Variants in KCNC3 observed in about 807,000 individuals in gnomAD.
KCNC3 encodes the protein voltage-gated potassium channel KCNC3.
A neutral mutation model predicts 43.9 loss-of-function variants in KCNC3; 22 were observed. The observed-to-expected ratio is 0.50, with a 90% CI of 0.36 to 0.72. KCNC3 has a LOEUF of 0.72. Among genes scored for constraint, KCNC3 ranks in the 30% least tolerant of loss-of-function variants. The probability of loss-of-function intolerance (pLI) is 0.00; values close to 1 mark genes in which losing one functional copy is unlikely to be tolerated. For synonymous variants in KCNC3, 492 were observed against 488.0 expected, an observed-to-expected ratio of 1.01 and a Z score of -0.11; for missense variants, 829 against 1,073.8, an observed-to-expected ratio of 0.77 and a Z score of 3.19.
intron 2 of KCNC3, 124 bp from the exon 3 acceptor site, chr19:50,320,908 G>A (rs1363884903): frequency 3.2e-6 from 3 of 933,724 alleles, no homozygotes; most frequent in Non-Finnish European, 4.9e-6. Context: ...GGCACTGGAA[G>A]TGGAGATTCA....
rs368827687 is a variant in KCNC3, at chr19:50,314,910, G to A, written c.*1205C>T. 6 of 310,674 alleles carry A rather than the reference G, an allele frequency of 1.9e-5. No individual in the cohort carries two copies. The highest frequency in any genetic ancestry group is 9.3e-5 in the South Asian group (4 of 43,108). 19.2% of individuals were successfully genotyped at this position (310,674 alleles called of 1,614,324 possible). ...CGGCGGGCGGCCCGGGGAGAGCCAGGGGGGGTGGCAAGGGGCGCGAGGCGC... is the reference window on the plus strand; with the variant it reads ...CGGCGGGCGGCCCGGGGAGAGCCAGAGGGGGTGGCAAGGGGCGCGAGGCGC... On this transcript the variant is annotated 3_prime_UTR_variant, in exon 5 of 5. Transcript: ENST00000477616.
chr19:50,332,335 G>T (rs1253257663), upstream of KCNC3, among the ~76,000 whole-genome samples: 1 of 152,104 alleles, frequency 6.6e-6, no homozygotes, highest in Non-Finnish European at 1.5e-5. This position sits in a 1 kb window ranked among gnomAD's most constrained non-coding sequence, Gnocchi z 5.8. Context: ...CTAAATCAGC[G>T]TTTTTTTGCA....
At chr19:50,331,531 CCTCCTTCTTCCCCTTCTCCCCATCTCT>C (rs2037189147), upstream of KCNC3, among the ~76,000 whole-genome samples, 2 of 121,336 alleles carry the variant, frequency 1.6e-5, no homozygotes, top group African/African-American at 6.6e-5. Context: ...TGTATTTCCC[CCTCCTTCTTCCCCTTCTCCCCATCTCT>C]GGTGTATTTC....
upstream of KCNC3, among the ~76,000 whole-genome samples, chr19:50,331,037 A>G (rs1486509757): frequency 6.6e-6 from 1 of 151,872 alleles, no homozygotes; most frequent in African/African-American, 2.4e-5. Context: ...GCTGATTCGT[A>G]TCGCCTCCCA....
chr19:50,327,072 G>A (rs1274332329), intron 1 of KCNC3, among the ~76,000 whole-genome samples: 1 of 151,878 alleles, frequency 6.6e-6, no homozygotes, highest in African/African-American at 2.4e-5. Context: ...TTCTAGAGCA[G>A]GAGGGAAAGT....
rs534747834 is a variant in KCNC3, at chr19:50,321,567, C to T, written c.1979-783G>A. Among the ~76,000 whole-genome samples, 223 of 152,044 alleles carry T rather than the reference C, an allele frequency of 1.5e-3. 2 individuals are homozygous for T. The highest frequency in any genetic ancestry group is 4.4e-3 in the Admixed American group (67 of 15,266). ...GGTAGATCACTTAAGGTCAGGAGTTCGAGACCAGCCTGGCCAACATGGTGA... is the reference window on the plus strand; with the variant it reads ...GGTAGATCACTTAAGGTCAGGAGTTTGAGACCAGCCTGGCCAACATGGTGA... On this transcript the variant is annotated intron_variant, in intron 2 of 4. Transcript: ENST00000477616.
Position 50,320,579 on chromosome 19 carries a change from G to T in KCNC3, c.2170+14C>A, listed in dbSNP as rs189018316. The T allele has an allele frequency of 5.1e-4, 821 of 1,608,446 alleles. 9 individuals are homozygous for T. In the South Asian group the frequency reaches 8.5e-3, roughly 17 times the overall value. The stretch of plus-strand genomic sequence containing the variant: ...AGGGAGGGTCCCAGGGGATCAGTAG[G>T]GGGGGCACCTCACCTTTTCGGATGG... On this transcript the variant is annotated intron_variant, in intron 3 of 4. Transcript: ENST00000477616.
intron 4 of KCNC3, among the ~76,000 whole-genome samples, chr19:50,318,050 C>A (rs2036978807): frequency 6.6e-6 from 1 of 152,240 alleles, no homozygotes; most frequent in South Asian, 2.1e-4. Context: ...ACCTTGGCCT[C>A]CCAAAGTGCT....
rs2036912056 is a variant in KCNC3, at chr19:50,313,989, C to T, written c.*2126G>A. The stretch of plus-strand genomic sequence containing the variant: ...CAGTCTCAGAATTCTGGGTGCAGGT[C>T]TCATGTCCTGGGAATGGAGGGAGAT... On this transcript the variant is annotated 3_prime_UTR_variant, in exon 5 of 5. Transcript: ENST00000477616. The T allele has an allele frequency of 6.6e-6, 1 of 151,984 alleles. No homozygotes were observed. The highest frequency in any genetic ancestry group is 6.6e-5 in the Admixed American group (1 of 15,240). 9.4% of individuals were successfully genotyped at this position (151,984 alleles called of 1,614,324 possible).
rs1209864398 is a variant in KCNC3 at position 50,328,374 on chromosome 19, C to G, written c.709G>C (p.Gly237Arg). The change falls in exon 1 of 5, where the codon GGA (glycine) becomes CGA (arginine). Residue 237 changes from glycine to arginine, a missense_variant. By Grantham distance (125) the Gly-to-Arg change is moderately radical (BLOSUM62 -2). Coordinates refer to ENST00000477616, the MANE Select transcript of KCNC3 (RefSeq NM_004977.3). The stretch of plus-strand genomic sequence containing the variant: ...AGGCGCTTGAGCTCGCCGCCCGCTC[C>G]GTCCAGGCCGCCGCCGCCCGCGCCC... ...EAGAGGGGLD[G>R]AGGELKRLCF... 3 of 1,210,330 alleles carry G rather than the reference C, an allele frequency of 2.5e-6. No individual in the cohort carries two copies. The highest frequency in any genetic ancestry group is 1.6e-5 in the African/African-American group (1 of 62,442). 75.0% of individuals were successfully genotyped at this position (1,210,330 alleles called of 1,614,324 possible). A position where few individuals can be genotyped will look rare whatever the true frequency, so the allele number is the denominator to read the frequency against.
In KCNC3 at chr19:50,323,185, C is replaced by T. The variant is rs1167185763; in HGVS notation, c.1768G>A (p.Gly590Ser). 1.5e-5 allele frequency: 20 copies of T among 1,325,752 alleles called. No individual in the cohort carries two copies. The highest frequency in any genetic ancestry group is 5.0e-5 in the East Asian group (2 of 39,768). The allele number at this position is 1,325,752 out of a possible 1,614,324, so 82.1% of individuals were successfully genotyped here. A position where few individuals can be genotyped will look rare whatever the true frequency, so the allele number is the denominator to read the frequency against. ...PPPPPPHPHH[G>S]SGGISPPPPI... Reference sequence around the variant, plus strand: ...GGCGGCGGGCTGATGCCCCCGCTGCCGTGGTGCGGGTGGGGCGGGGGTGGC... The same window carrying T: ...GGCGGCGGGCTGATGCCCCCGCTGCTGTGGTGCGGGTGGGGCGGGGGTGGC... The change falls in exon 2 of 5, where the codon GGC becomes AGC. Residue 590 changes from glycine (G) to serine (S), a missense_variant. Physicochemically the swap from Gly to Ser is moderately conservative, Grantham distance 56. Around this residue, in one of 7 missense-constraint regions of KCNC3, gnomAD observed 308 missense variants for 276.2 expected, o/e 1.11. Transcript: ENST00000477616.
rs1461692822 is a variant in KCNC3, at chr19:50,313,541, A to G, written c.*2574T>C. The G allele has an allele frequency of 6.6e-6, 1 of 152,168 alleles. No individual in the cohort carries two copies. Among genetic ancestry groups the G allele is most frequent in the Non-Finnish European group, 1.5e-5 (1 of 68,038 alleles). The allele number at this position is 152,168 out of a possible 1,614,324, so 9.4% of individuals were successfully genotyped here. On this transcript the variant is annotated 3_prime_UTR_variant, in exon 5 of 5. Coordinates refer to ENST00000477616, the MANE Select transcript of KCNC3 (RefSeq NM_004977.3). ...TCTGTGAAGAGGGTACCTTTGGGGC[A>G]CCATCTCAGGGAAGAGACTCAGGGT...
At position 50,323,037 on chromosome 19, in the gene KCNC3, AGAG is replaced by A; in HGVS notation, c.1913_1915del (p.Pro638del). On this transcript the variant is annotated inframe_deletion, in exon 2 of 5. Transcript: ENST00000477616. Reference sequence around the variant, plus strand: ...CGGGCAAGGCTCGCCGGGGGCTGGCAGAGGAGGCAGCCCCATGATCCCCAGCCC... The same window carrying A: ...CGGGCAAGGCTCGCCGGGGGCTGGCAGAGGCAGCCCCATGATCCCCAGCCC... The A allele has an allele frequency of 6.5e-7, 1 of 1,544,506 alleles. No homozygotes were observed. Among genetic ancestry groups the A allele is most frequent in the Non-Finnish European group, 8.7e-7 (1 of 1,144,810 alleles).
intron 2 of KCNC3, 22 bp from the exon 3 acceptor site, chr19:50,320,806 CAGAG>C: frequency 1.2e-6 from 2 of 1,611,636 alleles, no homozygotes; most frequent in Admixed American, 1.7e-5. Flanking sequence ...GGGGGTCAGA[CAGAG>C]AGACAAAGGA....
At position 50,315,142 on chromosome 19, in the gene KCNC3, G is replaced by C. The variant is rs1171372845; in HGVS notation, c.*973C>G. On this transcript the variant is annotated 3_prime_UTR_variant, in exon 5 of 5. Transcript: ENST00000477616. ...AACAGATACCCAGAGAGACAGAGAA[G>C]GCAAGACAGACAGAGTCAGGCAGAC... is the stretch of plus-strand genomic sequence containing the variant. Among the ~76,000 whole-genome samples the C allele has an allele frequency of 6.6e-6, 1 of 152,116 alleles. No individual in the cohort carries two copies. Among genetic ancestry groups the C allele is most frequent in the East Asian group, 1.9e-4 (1 of 5,192 alleles).
Position 50,328,690 on chromosome 19 carries a change from G to T in KCNC3, c.393C>A (p.Gly131=). 1 of 1,605,282 alleles carries T rather than the reference G, an allele frequency of 6.2e-7. No homozygotes were observed. Among genetic ancestry groups the T allele is most frequent in the Non-Finnish European group, 8.5e-7 (1 of 1,176,682 alleles). ...GCCGGTCAAAGAAGAACTCGTCGGCGCCCGGGTCGTAGTCGAAGCGTGCCG... is the reference window on the plus strand; with the variant it reads ...GCCGGTCAAAGAAGAACTCGTCGGCTCCCGGGTCGTAGTCGAAGCGTGCCG... ...EAAARFDYDP[G]ADEFFFDRHP... is the part of the protein sequence containing the mutation. The change falls in exon 1 of 5, where the codon GGC becomes GGA. Residue 131 remains glycine, a synonymous_variant. Coordinates refer to ENST00000477616, the MANE Select transcript of KCNC3 (RefSeq NM_004977.3).
At chr19:50,320,468 A>G in intron 3 of KCNC3, 119 bp from the exon 4 acceptor site, 1 of 841,718 alleles carries the variant, frequency 1.2e-6, no homozygotes, top group Non-Finnish European at 1.9e-6. Flanking sequence ...GGAGGGAGGC[A>G]GTTTGGGGCC....
chr19:50,325,205 A>G (rs2037087093), intron 1 of KCNC3, among the ~76,000 whole-genome samples: 2 of 151,146 alleles, frequency 1.3e-5, no homozygotes, highest in Non-Finnish European at 1.5e-5. Context: ...TAGAGATGTC[A>G]TGGGCTTTAT....
At chr19:50,326,249 C>T (rs915644763) in intron 1 of KCNC3, among the ~76,000 whole-genome samples, 6 of 152,230 alleles carry the variant, frequency 3.9e-5, no homozygotes, top group Non-Finnish European at 8.8e-5. Context: ...GCCTGACCAT[C>T]ACAGAAGAAC....
Sources: allele counts gnomAD v4.1 joint callset (sites outside exome capture counted in the v4.1 genomes callset), GRCh38; gene constraint gnomAD v4.1.1; regional missense constraint gnomAD v4.1.1; non-coding constraint Gnocchi (gnomAD v3.1); transcripts MANE v1.5; gene names NCBI Gene and HGNC (gene_info 2026-07-23, HGNC 2026-07-21).